CNNM2: variants seen among roughly 807,000 people sequenced by gnomAD.
CNNM2 encodes metal transporter CNNM2.
CNNM2 carries 12 observed loss-of-function variants against 66.9 expected under a neutral mutation model. The ratio of observed to expected loss-of-function variants is 0.18; its 90% CI spans 0.11 to 0.29. The LOEUF (loss-of-function observed/expected upper bound fraction) is 0.29. CNNM2 is among the 10% of genes least tolerant of loss of function. CNNM2 has a pLI of 1.00. For synonymous variants in CNNM2, 557 were observed against 501.8 expected, an observed-to-expected ratio of 1.11 and a Z score of -1.47; for missense variants, 705 against 1,167.7, an observed-to-expected ratio of 0.60 and a Z score of 5.77.
chr10:102,947,510 T>C (rs1590291783), intron 1 of CNNM2, among the ~76,000 whole-genome samples: 1 of 152,302 alleles, frequency 6.6e-6, no homozygotes, highest in African/African-American at 2.4e-5. Context: ...TCCAACACTT[T>C]GGGAGGCCGA....
intron 1 of CNNM2, among the ~76,000 whole-genome samples, chr10:103,011,334 T>A (rs2064338889): frequency 6.6e-6 from 1 of 152,094 alleles, no homozygotes; most frequent in Non-Finnish European, 1.5e-5. Context: ...GTGCCTGTAA[T>A]CCCAGCTACT....
At chr10:103,025,358 G>A (rs1280221981) in intron 1 of CNNM2, among the ~76,000 whole-genome samples, 6 of 152,190 alleles carry the variant, frequency 3.9e-5, no homozygotes, top group Non-Finnish European at 7.3e-5. Flanking sequence ...CAAATTGCTG[G>A]GATTACAGGC....
chr10:102,932,263 T>C (rs1292555195), intron 1 of CNNM2, among the ~76,000 whole-genome samples: 1 of 151,854 alleles, frequency 6.6e-6, no homozygotes, highest in African/African-American at 2.4e-5. Flanking sequence ...GTGCCTAGGG[T>C]GGTCTTGAAT....
At position 103,020,669 on chromosome 10, in the gene CNNM2, G is replaced by T. The variant is rs530202989; in HGVS notation, c.1622-29038G>T. ...ATACTGTTTCTTAGGTAGTGAGTTG[G>T]ATTTAAGACAGGTTGTGGTGTGGCC... On this transcript the variant is annotated intron_variant, in intron 1 of 7. Coordinates refer to ENST00000369878, the MANE Select transcript of CNNM2 (RefSeq NM_017649.5). Among the ~76,000 whole-genome samples, 28 of 152,240 alleles carry T rather than the reference G, an allele frequency of 1.8e-4. No homozygotes were observed. In the East Asian group the frequency reaches 4.6e-3, roughly 25 times the overall value.
rs7094843 is a variant in CNNM2 at position 103,046,897 on chromosome 10, A to C, written c.1622-2810A>C. ...ATCAAAACTCCATACATAGTAATTTATTAAAGGTTAGTTGTAATGTAGAAT... is the reference window on the plus strand; with the variant it reads ...ATCAAAACTCCATACATAGTAATTTCTTAAAGGTTAGTTGTAATGTAGAAT... On this transcript the variant is annotated intron_variant, in intron 1 of 7. Transcript: ENST00000369878. Among the ~76,000 whole-genome samples the C allele has an allele frequency of 0.4, 60,750 of 152,040 alleles. 12,300 individuals carry two copies. Among genetic ancestry groups the C allele is most frequent in the East Asian group, 0.56 (2,893 of 5,164 alleles).
Position 102,944,481 on chromosome 10 carries a change from A to C in CNNM2, c.1621+24380A>C, listed in dbSNP as rs1299150362. Among the ~76,000 whole-genome samples, 3 of 152,250 alleles carry C rather than the reference A, an allele frequency of 2.0e-5. No homozygotes were observed. The East Asian group carries it at 5.8e-4, about 29-fold the overall frequency. On this transcript the variant is annotated intron_variant, in intron 1 of 7. Coordinates refer to ENST00000369878, the MANE Select transcript of CNNM2 (RefSeq NM_017649.5). ...TCCCCTGCAATTTTTTATTTTGAAA[A>C]TAATTCCAGCACAGAAAAGTTTAAT... is the stretch of plus-strand genomic sequence containing the variant.
intron 1 of CNNM2, among the ~76,000 whole-genome samples, chr10:103,043,863 A>G (rs1471377732): frequency 6.6e-6 from 1 of 152,164 alleles, no homozygotes; most frequent in Non-Finnish European, 1.5e-5. Flanking sequence ...GTACTCTGAA[A>G]ACAGGCCTGT....
chr10:102,958,173 T>A (rs990447127), intron 1 of CNNM2, among the ~76,000 whole-genome samples: 1 of 152,136 alleles, frequency 6.6e-6, no homozygotes, highest in African/African-American at 2.4e-5. Context: ...CGACCTCAGG[T>A]GATCCGCCCG....
chr10:103,055,662 T>C (rs1417178920), intron 3 of CNNM2, among the ~76,000 whole-genome samples: 1 of 152,230 alleles, frequency 6.6e-6, no homozygotes, highest in African/African-American at 2.4e-5. Flanking sequence ...TACTATCTTA[T>C]TACAAAAAAG....
rs1321689398 is a variant in CNNM2 at position 103,085,784 on chromosome 10, C to CT, written c.*8605dup. 1.3e-5 allele frequency: 2 copies of CT among 152,094 alleles called. No homozygotes were observed. Among genetic ancestry groups the CT allele is most frequent in the Non-Finnish European group, 2.9e-5 (2 of 68,020 alleles). 9.4% of individuals were successfully genotyped at this position (152,094 alleles called of 1,614,324 possible). On this transcript the variant is annotated 3_prime_UTR_variant, in exon 8 of 8. Transcript: ENST00000369878. Reference sequence around the variant, plus strand: ...GTGTTAAAGCTCTACAGAGAAACTTCTGTATATATTTTATTTTTGAGATCA... The same window carrying CT: ...GTGTTAAAGCTCTACAGAGAAACTTCTTGTATATATTTTATTTTTGAGATCA...
intron 4 of CNNM2, among the ~76,000 whole-genome samples, chr10:103,060,028 T>C (rs1590480374): frequency 1.3e-5 from 2 of 152,272 alleles, no homozygotes; most frequent in South Asian, 2.1e-4. Context: ...CAGTCCCAGC[T>C]GCTCAGGAGG....
At chr10:103,035,601 G>A (rs375614112) in intron 1 of CNNM2, among the ~76,000 whole-genome samples, 1 of 152,190 alleles carries the variant, frequency 6.6e-6, no homozygotes, top group Non-Finnish European at 1.5e-5. Context: ...TCATTTGGAT[G>A]GGCCATTAAG....
At chr10:102,986,531 C>G (rs2063799972) in intron 1 of CNNM2, among the ~76,000 whole-genome samples, 1 of 152,006 alleles carries the variant, frequency 6.6e-6, no homozygotes, top group Non-Finnish European at 1.5e-5. Context: ...GCCTGTAATA[C>G]CAGTACTTTG....
chr10:102,981,447 A>T (rs1463743909), intron 1 of CNNM2, among the ~76,000 whole-genome samples: 2 of 140,598 alleles, frequency 1.4e-5, no homozygotes, highest in African/African-American at 4.9e-5. Context: ...TGGTTTACTC[A>T]CTTATCTTGG....
At chr10:103,047,307 C>T (rs1410901255) in intron 1 of CNNM2, among the ~76,000 whole-genome samples, 1 of 152,164 alleles carries the variant, frequency 6.6e-6, no homozygotes, top group East Asian at 1.9e-4. Context: ...AATCGGGGGA[C>T]ATTCTGCAGG....
In CNNM2 at chr10:102,964,816, A is replaced by G. The variant is rs75014273; in HGVS notation, c.1621+44715A>G. Among the ~76,000 whole-genome samples the G allele has an allele frequency of 0.014, 2,057 of 152,304 alleles. 21 individuals carry two copies. The highest frequency in any genetic ancestry group is 0.05 in the South Asian group (243 of 4,824). ...CTTTGATTTGAGTGGATCCCCTCCA[A>G]AATTAACCTGTTGAAACTTAATGGC... is the stretch of plus-strand genomic sequence containing the variant. On this transcript the variant is annotated intron_variant, in intron 1 of 7. Transcript: ENST00000369878.
At chr10:103,067,553 G>T (rs532974755) in intron 4 of CNNM2, among the ~76,000 whole-genome samples, 1 of 152,290 alleles carries the variant, frequency 6.6e-6, no homozygotes, top group African/African-American at 2.4e-5. Flanking sequence ...TTCACCCATT[G>T]TAAAGGATGC....
rs983933232 is a variant in CNNM2 at position 103,081,779 on chromosome 10, C to T, written c.*4599C>T. ...CTACCTTCTTTCCTATCTGGAGATT[C>T]ATATTCTAGAGTCCCTGGTCAACCC... On this transcript the variant is annotated 3_prime_UTR_variant, in exon 8 of 8. Coordinates refer to ENST00000369878, the MANE Select transcript of CNNM2 (RefSeq NM_017649.5). 3.3e-5 allele frequency: 5 copies of T among 152,176 alleles called. No individual in the cohort carries two copies. Among genetic ancestry groups the T allele is most frequent in the African/African-American group, 1.2e-4 (5 of 41,432 alleles). The allele number at this position is 152,176 out of a possible 1,614,324, so 9.4% of individuals were successfully genotyped here.
chr10:102,944,685 A>C (rs1846548534), intron 1 of CNNM2, among the ~76,000 whole-genome samples: 1 of 151,602 alleles, frequency 6.6e-6, no homozygotes, highest in Non-Finnish European at 1.5e-5. Context: ...CTTCACTCCT[A>C]AACACTTCAG....
Sources: allele counts gnomAD v4.1 joint callset (sites outside exome capture counted in the v4.1 genomes callset), GRCh38; gene constraint gnomAD v4.1.1; transcripts MANE v1.5; gene names NCBI Gene and HGNC (gene_info 2026-07-23, HGNC 2026-07-21).